Variants in SLCO1B1 observed in about 807,000 individuals in gnomAD.
SLCO1B1 encodes OATP-2.
In SLCO1B1, 81 loss-of-function variants were observed where a neutral mutation model predicts 70.1. The ratio of observed to expected loss-of-function variants is 1.16; its 90% CI spans 0.97 to 1.39. The LOEUF is 1.39. Among genes scored for constraint, SLCO1B1 ranks in the 40% most tolerant of loss-of-function variants. The probability of loss-of-function intolerance (pLI) is 0.00; values close to 1 mark genes in which losing one functional copy is unlikely to be tolerated. For synonymous variants in SLCO1B1, 283 were observed against 271.5 expected (o/e 1.04, Z -0.42); for missense variants, 895 against 799.6 (o/e 1.12, Z -1.44).
In SLCO1B1 at chr12:21,210,526, G is replaced by C. The variant is rs1941270456; in HGVS notation, c.1497+4493G>C. Among the ~76,000 whole-genome samples, 2 of 118,228 alleles carry C rather than the reference G, an allele frequency of 1.7e-5. 1 individual carries two copies. Among genetic ancestry groups the C allele is most frequent in the African/African-American group, 6.7e-5 (2 of 29,980 alleles). 77.6% of individuals were successfully genotyped at this position (118,228 alleles called of 152,430 possible). On this transcript the variant is annotated intron_variant, in intron 11 of 14. Transcript: ENST00000256958. ...CCTCCAGCTTTGTTCTTTTGGCTTA[G>C]GATTGACTTGGCGATGTGGGCTCTT...
chr12:21,134,200 A>T (rs1007753078), intron 1 of SLCO1B1, among the ~76,000 whole-genome samples: 5 of 152,160 alleles, frequency 3.3e-5, no homozygotes, highest in Non-Finnish European at 7.3e-5. Flanking sequence ...GTCATGTTGG[A>T]TAAGCTTTTT....
At chr12:21,170,149 C>T (rs1448337280) in intron 2 of SLCO1B1, among the ~76,000 whole-genome samples, 1 of 152,072 alleles carries the variant, frequency 6.6e-6, no homozygotes, top group African/African-American at 2.4e-5. Context: ...TTTATTAGTA[C>T]TTGAATATAG....
intron 7 of SLCO1B1, among the ~76,000 whole-genome samples, chr12:21,179,816 A>T (rs763386200): frequency 1.3e-4 from 20 of 152,016 alleles, no homozygotes; most frequent in Non-Finnish European, 2.6e-4. Context: ...TTCAGCAAAC[A>T]CACCCAAGTA....
chr12:21,134,283 T>C (rs1206765027), intron 1 of SLCO1B1, among the ~76,000 whole-genome samples: 1 of 152,192 alleles, frequency 6.6e-6, no homozygotes, highest in African/African-American at 2.4e-5. Context: ...AGGATATTGG[T>C]CTAAAATTCT....
chr12:21,205,953 G>A lies in SLCO1B1; in HGVS notation c.1417G>A (p.Val473Ile). The part of the protein sequence containing the change: ...CNCDESQWEP[V>I]CGNNGITYIS... Reference sequence around the variant, plus strand: ...TTGTGATGAAAGTCAATGGGAACCAGTCTGTGGAAACAATGGAATAACTTA... The same window carrying A: ...TTGTGATGAAAGTCAATGGGAACCAATCTGTGGAAACAATGGAATAACTTA... The change falls in exon 11 of 15, where the codon GTC becomes ATC. Residue 473 changes from valine to isoleucine, a missense_variant. Physicochemically the swap from Val to Ile is conservative, Grantham distance 29. Transcript: ENST00000256958. 4.3e-6 allele frequency: 7 copies of A among 1,612,136 alleles called. No individual in the cohort carries two copies. Among genetic ancestry groups the A allele is most frequent in the Non-Finnish European group, 5.9e-6 (7 of 1,178,630 alleles).
chr12:21,196,940 T>C lies in SLCO1B1; in HGVS notation c.728-6T>C, dbSNP rs1320477625. The stretch of plus-strand genomic sequence containing the variant: ...TTTGACTGGCTTCTATAATTATTTA[T>C]TCTAGGCACTATCAGGATAACTCCT... On this transcript the variant is annotated splice_region_variant and splice_polypyrimidine_tract_variant and intron_variant, in intron 7 of 14. Coordinates refer to ENST00000256958, the MANE Select transcript of SLCO1B1 (RefSeq NM_006446.5). The C allele has an allele frequency of 1.2e-6, 2 of 1,613,194 alleles. No homozygotes were observed. Among genetic ancestry groups the C allele is most frequent in the Admixed American group, 1.7e-5 (1 of 59,988 alleles).
At chr12:21,137,623 A>G (rs1296860947) in intron 1 of SLCO1B1, among the ~76,000 whole-genome samples, 1 of 152,172 alleles carries the variant, frequency 6.6e-6, no homozygotes, top group Non-Finnish European at 1.5e-5. Context: ...CTGTGGGCAT[A>G]GGACCCTCCA....
chr12:21,205,746 A>G, intron 10 of SLCO1B1, 122 bp from the exon 11 acceptor site: 1 of 686,942 alleles, frequency 1.5e-6, no homozygotes, highest in Non-Finnish European at 2.2e-6. Context: ...ATAAAGAAAA[A>G]TTCTTTATCT....
At chr12:21,194,617 A>T (rs1245937378) in intron 7 of SLCO1B1, among the ~76,000 whole-genome samples, 1 of 152,014 alleles carries the variant, frequency 6.6e-6, no homozygotes, top group Non-Finnish European at 1.5e-5. Flanking sequence ...TCATTTTCTT[A>T]TCTTCTTCTG....
chr12:21,217,861 G>C (rs936081847), intron 12 of SLCO1B1, among the ~76,000 whole-genome samples: 1 of 152,072 alleles, frequency 6.6e-6, no homozygotes, highest in Non-Finnish European at 1.5e-5. Context: ...ATATTACATG[G>C]TAAATGAAAC....
At chr12:21,153,565 T>C (rs956664614) in intron 2 of SLCO1B1, among the ~76,000 whole-genome samples, 1 of 152,096 alleles carries the variant, frequency 6.6e-6, no homozygotes. Context: ...ATTCTTTCAA[T>C]TGTTGGATGT....
chr12:21,215,502 C>A (rs1941347217), intron 11 of SLCO1B1, among the ~76,000 whole-genome samples: 1 of 152,046 alleles, frequency 6.6e-6, no homozygotes, highest in South Asian at 2.1e-4. Flanking sequence ...TATACTGGAC[C>A]ATCCTTACAT....
rs1175413819 is a variant in SLCO1B1 at position 21,200,567 on chromosome 12, T to G, written c.1030T>G (p.Leu344Val). ...TNPLYVMFVLLTLLQVSSYIG... is the reference protein window; with the variant it reads ...TNPLYVMFVLVTLLQVSSYIG... ...TCCCCTGTATGTTATGTTTGTGCTT[T>G]TGACGTTGTTACAAGTAAGCAGCTA... The change falls in exon 9 of 15, where the codon TTG becomes GTG. Residue 344 changes from leucine to valine, a missense_variant. Physicochemically the swap from Leu to Val is conservative, Grantham distance 32 (BLOSUM62 1). Coordinates refer to ENST00000256958, the MANE Select transcript of SLCO1B1 (RefSeq NM_006446.5). The G allele has an allele frequency of 6.2e-7, 1 of 1,608,838 alleles. No individual in the cohort carries two copies. Among genetic ancestry groups the G allele is most frequent in the Non-Finnish European group, 8.5e-7 (1 of 1,176,672 alleles).
chr12:21,180,323 T>G (rs894897202), intron 7 of SLCO1B1, among the ~76,000 whole-genome samples: 1 of 152,170 alleles, frequency 6.6e-6, no homozygotes, highest in African/African-American at 2.4e-5. Flanking sequence ...ATTTGCATAG[T>G]TCTTGAAGCC....
chr12:21,234,734 CTT>C (rs1435326967), intron 14 of SLCO1B1, among the ~76,000 whole-genome samples: 1 of 152,098 alleles, frequency 6.6e-6, no homozygotes, highest in Non-Finnish European at 1.5e-5. Context: ...TTTTAAAATA[CTT>C]TGTCTCGATT....
chr12:21,134,751 T>C (rs1188555864), intron 1 of SLCO1B1, among the ~76,000 whole-genome samples: 1 of 152,216 alleles, frequency 6.6e-6, no homozygotes, highest in African/African-American at 2.4e-5. Flanking sequence ...TTGCTAGTGG[T>C]CTATCAATTT....
intron 1 of SLCO1B1, among the ~76,000 whole-genome samples, chr12:21,138,044 T>A (rs1940252719): frequency 6.6e-6 from 1 of 152,186 alleles, no homozygotes; most frequent in African/African-American, 2.4e-5. Context: ...CTTCTCCAAT[T>A]CAGAAAGTTG....
At chr12:21,194,668 C>G (rs922973793) in intron 7 of SLCO1B1, among the ~76,000 whole-genome samples, 2 of 152,168 alleles carry the variant, frequency 1.3e-5, no homozygotes. Context: ...TTACCTAGTT[C>G]CAAAGTCAAG....
intron 13 of SLCO1B1, 33 bp downstream of exon 13, chr12:21,222,397 AATATATATATATAT>A (rs751514211): frequency 9.2e-5 from 9 of 97,732 alleles, no homozygotes; most frequent in South Asian, 1.9e-4. Context: ...AAAAAAAAAA[AATATATATATATAT>A]ATATATATAT....
Sources: allele counts gnomAD v4.1 joint callset (sites outside exome capture counted in the v4.1 genomes callset), GRCh38; gene constraint gnomAD v4.1.1; transcripts MANE v1.5; gene names NCBI Gene and HGNC (gene_info 2026-07-23, HGNC 2026-07-21).